PDE4B: variants seen among roughly 807,000 people sequenced by gnomAD.
PDE4B encodes the protein 3',5'-cyclic-AMP phosphodiesterase 4B.
A neutral mutation model predicts 82.2 loss-of-function variants in PDE4B; 20 were observed. The ratio of observed to expected loss-of-function variants is 0.24; its 90% CI spans 0.17 to 0.35. The LOEUF is 0.35. PDE4B is among the 10% of genes least tolerant of loss of function. PDE4B has a pLI of 1.00. For missense variants in PDE4B, 655 were observed against 907.2 expected (o/e 0.72, Z 3.57); for synonymous variants, 320 against 318.9 (o/e 1.00, Z -0.04).
intron 1 of PDE4B, among the ~76,000 whole-genome samples, chr1:65,837,207 G>A (rs1273700978): frequency 6.6e-6 from 1 of 151,714 alleles, no homozygotes; most frequent in Admixed American, 6.6e-5. Flanking sequence ...TATATATCAT[G>A]TATTGTATAT....
chr1:65,870,285 T>A (rs1325636524), intron 1 of PDE4B, among the ~76,000 whole-genome samples: 1 of 152,150 alleles, frequency 6.6e-6, no homozygotes, highest in Admixed American at 6.5e-5. Context: ...TTAGATGTTA[T>A]TTTTGTCTTT....
At chr1:65,864,118 A>G (rs761878256) in intron 1 of PDE4B, among the ~76,000 whole-genome samples, 2 of 151,374 alleles carry the variant, frequency 1.3e-5, no homozygotes, top group South Asian at 4.2e-4. Flanking sequence ...TTGATCTTCA[A>G]TCTCTGATAT....
rs200130242 is a variant in PDE4B, at chr1:66,292,040, T to A, written c.634+25953T>A. On this transcript the variant is annotated intron_variant, in intron 7 of 16. Coordinates refer to ENST00000341517, the MANE Select transcript of PDE4B (RefSeq NM_002600.4). ...ACTCATTAAGATTGAACATGAGATG[T>A]TAATTTCCATTAGCGCCTGGGGAAT... Among the ~76,000 whole-genome samples, 9 of 152,318 alleles carry A rather than the reference T, an allele frequency of 5.9e-5. No individual in the cohort carries two copies. In the East Asian group the frequency reaches 1.7e-3, roughly 29 times the overall value.
intron 3 of PDE4B, among the ~76,000 whole-genome samples, chr1:66,078,040 G>A (rs1460504132): frequency 6.6e-6 from 1 of 152,116 alleles, no homozygotes; most frequent in African/African-American, 2.4e-5. Context: ...CACATAGTAA[G>A]CACTGAGAAC....
intron 4 of PDE4B, among the ~76,000 whole-genome samples, chr1:66,252,946 T>A (rs1653903800): frequency 6.6e-6 from 1 of 151,944 alleles, no homozygotes; most frequent in African/African-American, 2.4e-5. Flanking sequence ...CTCCAAAAAA[T>A]AAATAAATAA....
intron 3 of PDE4B, among the ~76,000 whole-genome samples, chr1:66,132,107 A>C (rs1304016270): frequency 6.6e-6 from 1 of 152,330 alleles, no homozygotes; most frequent in East Asian, 1.9e-4. Flanking sequence ...TCTAGGTGTG[A>C]TGATAAGTTT....
intron 3 of PDE4B, among the ~76,000 whole-genome samples, chr1:66,098,806 C>T (rs1016854212): frequency 1.3e-5 from 2 of 152,136 alleles, no homozygotes; most frequent in African/African-American, 4.8e-5. Context: ...AACTCTCCCA[C>T]AAATGGCTTT....
In PDE4B at chr1:65,821,855, T is replaced by C. The variant is rs552126845; in HGVS notation, c.-71+28607T>C. Among the ~76,000 whole-genome samples, 13 of 152,340 alleles carry C rather than the reference T, an allele frequency of 8.5e-5. No homozygotes were observed. In the South Asian group the frequency reaches 2.5e-3, roughly 29 times the overall value. ...CTGGGATATGAATGTCCATCTTTTGTATTGTGAAAATTTCAGAGATATTGA... is the reference window on the plus strand; with the variant it reads ...CTGGGATATGAATGTCCATCTTTTGCATTGTGAAAATTTCAGAGATATTGA... On this transcript the variant is annotated intron_variant, in intron 1 of 16. Transcript: ENST00000341517.
rs1427051211 is a variant in PDE4B at position 65,922,771 on chromosome 1, A to T, written c.281+3936A>T. Among the ~76,000 whole-genome samples the T allele has an allele frequency of 2.6e-5, 4 of 152,230 alleles. No individual in the cohort carries two copies. The East Asian group carries it at 7.7e-4, about 29-fold the overall frequency. On this transcript the variant is annotated intron_variant, in intron 3 of 16. Transcript: ENST00000341517. ...TCATTCTCTCTGGGAAATAGTGAGT[A>T]AGGCGGCAGAAAGAGGCTGGAAATG...
chr1:65,883,325 A>G (rs1490531454), intron 1 of PDE4B, among the ~76,000 whole-genome samples: 1 of 152,064 alleles, frequency 6.6e-6, no homozygotes, highest in Non-Finnish European at 1.5e-5. Flanking sequence ...ATCCTCTTTT[A>G]TTTCGCTGAG....
At chr1:66,199,300 A>T (rs1648648939) in intron 3 of PDE4B, among the ~76,000 whole-genome samples, 1 of 151,888 alleles carries the variant, frequency 6.6e-6, no homozygotes, top group Non-Finnish European at 1.5e-5. Context: ...AATGATCGCC[A>T]TTCTAACTGG....
rs1210113915 is a variant in PDE4B, at chr1:66,051,576, G to A, written c.281+132741G>A. On this transcript the variant is annotated intron_variant, in intron 3 of 16. Transcript: ENST00000341517. ...TCATGTTTGAAGACTGTGAACAGAGGTAGAAAACATTTATTATATATATGT... is the reference window on the plus strand; with the variant it reads ...TCATGTTTGAAGACTGTGAACAGAGATAGAAAACATTTATTATATATATGT... Among the ~76,000 whole-genome samples, 6 of 152,004 alleles carry A rather than the reference G, an allele frequency of 3.9e-5. No individual in the cohort carries two copies. The East Asian group carries it at 7.7e-4, about 20-fold the overall frequency.
rs563206014 is a variant in PDE4B at position 66,190,019 on chromosome 1, A to T, written c.282-57441A>T. ...ATGAAGAAATGGGGTTTTGGTGTGG[A>T]TGTCCTTTCTGTTTGTTAGTTTTCC... On this transcript the variant is annotated intron_variant, in intron 3 of 16. Coordinates refer to ENST00000341517, the MANE Select transcript of PDE4B (RefSeq NM_002600.4). Among the ~76,000 whole-genome samples, 4 of 152,148 alleles carry T rather than the reference A, an allele frequency of 2.6e-5. No homozygotes were observed. In the South Asian group the frequency reaches 8.3e-4, roughly 32 times the overall value.
At chr1:66,182,944 C>T (rs759112733) in intron 3 of PDE4B, among the ~76,000 whole-genome samples, 8 of 152,190 alleles carry the variant, frequency 5.3e-5, no homozygotes, top group African/African-American at 9.7e-5. Context: ...ATGTGAATTG[C>T]GTAAGCCCTT....
intron 1 of PDE4B, among the ~76,000 whole-genome samples, chr1:65,909,712 G>A (rs1288629723): frequency 7.2e-5 from 11 of 152,286 alleles, no homozygotes; most frequent in Admixed American, 6.5e-4. Flanking sequence ...AGCATATGGT[G>A]TTTTGCTTAT....
chr1:66,055,500 T>G (rs562772000), intron 3 of PDE4B, among the ~76,000 whole-genome samples: 2 of 152,356 alleles, frequency 1.3e-5, no homozygotes, highest in African/African-American at 4.8e-5. Flanking sequence ...ATGAAAGCAA[T>G]TGATTTTCTA....
intron 1 of PDE4B, among the ~76,000 whole-genome samples, chr1:65,840,734 T>A (rs1201116351): frequency 6.6e-6 from 1 of 152,190 alleles, no homozygotes; most frequent in Non-Finnish European, 1.5e-5. Flanking sequence ...CAAGGTCAGA[T>A]GAAGTGGCTA....
intron 1 of PDE4B, among the ~76,000 whole-genome samples, chr1:65,910,567 C>A (rs1396530231): frequency 1.3e-5 from 2 of 152,076 alleles, no homozygotes; most frequent in Admixed American, 1.3e-4. Flanking sequence ...AATGGAGGTA[C>A]TATTTACAAA....
intron 3 of PDE4B, among the ~76,000 whole-genome samples, chr1:66,147,413 G>T (rs1485067367): frequency 6.6e-6 from 1 of 152,194 alleles, no homozygotes; most frequent in Non-Finnish European, 1.5e-5. Context: ...GCAGGATTGG[G>T]AAAGGGAACC....
Sources: allele counts gnomAD v4.1 joint callset (sites outside exome capture counted in the v4.1 genomes callset), GRCh38; gene constraint gnomAD v4.1.1; transcripts MANE v1.5; gene names NCBI Gene and HGNC (gene_info 2026-07-23, HGNC 2026-07-21).